Variants in FAR2 observed in about 807,000 individuals in gnomAD.
FAR2 encodes fatty acyl-CoA reductase 2.
In FAR2, 19 loss-of-function variants were observed where a neutral mutation model predicts 56.0. The observed-to-expected ratio is 0.34, with a 90% CI of 0.24 to 0.50. The LOEUF is 0.50. Among genes scored for constraint, FAR2 ranks in the 20% least tolerant of loss-of-function variants. The pLI is 0.98. For missense variants in FAR2, 508 were observed against 642.2 expected (o/e 0.79, Z 2.26); for synonymous variants, 219 against 218.8 (o/e 1.00, Z -0.01).
chr12:29,154,591 C>T (rs1032451332), intron 1 of FAR2, among the ~76,000 whole-genome samples: 8 of 152,102 alleles, frequency 5.3e-5, no homozygotes, highest in Non-Finnish European at 7.4e-5. Context: ...CCCACCACCA[C>T]GCCTGGCTAA....
chr12:29,154,461 G>GTC (rs976575474), intron 1 of FAR2, among the ~76,000 whole-genome samples: 10 of 150,376 alleles, frequency 6.7e-5, no homozygotes, highest in Non-Finnish European at 7.4e-5. Context: ...TTGAGACAGA[G>GTC]TCTCTCTCTC....
chr12:29,327,600 C>T lies in FAR2; in HGVS notation c.1258-5000C>T, dbSNP rs550737256. On this transcript the variant is annotated intron_variant, in intron 10 of 11. Transcript: ENST00000536681. ...AACAGAGCCCTCAGAAACAATGCTGCATATCTACAACTATCTGATCTTTGA... is the reference window on the plus strand; with the variant it reads ...AACAGAGCCCTCAGAAACAATGCTGTATATCTACAACTATCTGATCTTTGA... 2.4e-3 allele frequency among the ~76,000 whole-genome samples: 372 copies of T among 152,272 alleles called. 1 individual carries two copies. The highest frequency in any genetic ancestry group is 8.6e-3 in the African/African-American group (359 of 41,540).
chr12:29,287,340 C>T (rs1050469551), intron 2 of FAR2, among the ~76,000 whole-genome samples: 1 of 152,164 alleles, frequency 6.6e-6, no homozygotes, highest in East Asian at 1.9e-4. Flanking sequence ...CTAGATTAAT[C>T]CTTTACATCT....
intron 1 of FAR2, among the ~76,000 whole-genome samples, chr12:29,233,659 C>T (rs758688105): frequency 6.6e-6 from 1 of 152,200 alleles, no homozygotes; most frequent in African/African-American, 2.4e-5. Flanking sequence ...CTAATCAATG[C>T]TTCTAAGTCT....
At chr12:29,162,147 T>G (rs568701495) in intron 1 of FAR2, among the ~76,000 whole-genome samples, 2 of 152,224 alleles carry the variant, frequency 1.3e-5, no homozygotes, top group Non-Finnish European at 2.9e-5. Context: ...ATTAGTGGTG[T>G]TCTTCATAGT....
chr12:29,270,383 A>G, intron 1 of FAR2, 29 bp from the exon 2 acceptor site: 3 of 1,432,126 alleles, frequency 2.1e-6, no homozygotes, highest in Non-Finnish European at 2.8e-6. Context: ...CTGAAGATGT[A>G]ATCTTTTGTT....
chr12:29,258,969 C>T (rs925731406), intron 1 of FAR2, among the ~76,000 whole-genome samples: 2 of 152,210 alleles, frequency 1.3e-5, no homozygotes, highest in African/African-American at 2.4e-5. Context: ...ATTTTCCATA[C>T]GTGTAATTTG....
chr12:29,188,402 A>T (rs1345676996), intron 1 of FAR2, among the ~76,000 whole-genome samples: 1 of 152,120 alleles, frequency 6.6e-6, no homozygotes, highest in Admixed American at 6.6e-5. Context: ...TTTACCCTAC[A>T]GTGTAAAAGC....
chr12:29,259,333 G>T (rs1013429342), intron 1 of FAR2, among the ~76,000 whole-genome samples: 4 of 152,120 alleles, frequency 2.6e-5, no homozygotes, highest in African/African-American at 7.2e-5. Flanking sequence ...GAATGATCTG[G>T]CCCAAAATGT....
intron 1 of FAR2, among the ~76,000 whole-genome samples, chr12:29,265,932 C>A (rs1226559156): frequency 1.3e-5 from 2 of 152,144 alleles, no homozygotes; most frequent in Non-Finnish European, 2.9e-5. Flanking sequence ...CATCACTGAT[C>A]ATTAGAGAAA....
At chr12:29,161,424 C>G (rs1240036599) in intron 1 of FAR2, among the ~76,000 whole-genome samples, 1 of 152,120 alleles carries the variant, frequency 6.6e-6, no homozygotes, top group Non-Finnish European at 1.5e-5. Context: ...TTACATCTGG[C>G]TTATTTACTC....
chr12:29,231,093 T>C (rs1947850295), intron 1 of FAR2, among the ~76,000 whole-genome samples: 1 of 152,128 alleles, frequency 6.6e-6, no homozygotes, highest in Non-Finnish European at 1.5e-5. Flanking sequence ...TCCATGAGTT[T>C]GGGGTATCAG....
At chr12:29,217,421 G>A (rs1175251000) in intron 1 of FAR2, among the ~76,000 whole-genome samples, 1 of 152,186 alleles carries the variant, frequency 6.6e-6, no homozygotes, top group Non-Finnish European at 1.5e-5. Context: ...GTCCCCATGG[G>A]ACTTTTGCTG....
chr12:29,309,260 T>C (rs1949306256), intron 6 of FAR2, 30 bp downstream of exon 6: 1 of 1,525,806 alleles, frequency 6.6e-7, no homozygotes, highest in Non-Finnish European at 9.0e-7. Context: ...AATAACTCCC[T>C]GAAATGTAGT....
intron 10 of FAR2, among the ~76,000 whole-genome samples, chr12:29,324,834 G>T (rs950317540): frequency 2.0e-5 from 3 of 152,192 alleles, no homozygotes; most frequent in Admixed American, 2.0e-4. Context: ...GGAAGAAACT[G>T]CATCAACTAA....
At position 29,157,002 on chromosome 12, in the gene FAR2, T is replaced by C. The variant is rs963249144; in HGVS notation, c.-39+7595T>C. On this transcript the variant is annotated intron_variant, in intron 1 of 11. Coordinates refer to ENST00000536681, the MANE Select transcript of FAR2 (RefSeq NM_001271783.2). ...CCAGCCATATTGATTGGAAGATTTC[T>C]GTGAGATATCTAACTTTATAAAGAG... 4.9e-4 allele frequency: 74 copies of C among 151,582 alleles called. 1 individual carries two copies. The highest frequency in any genetic ancestry group is 1.6e-3 in the African/African-American group (67 of 41,324). 9.4% of individuals were successfully genotyped at this position (151,582 alleles called of 1,614,324 possible).
intron 1 of FAR2, among the ~76,000 whole-genome samples, chr12:29,201,961 G>C (rs186587701): frequency 3.9e-4 from 60 of 152,220 alleles, no homozygotes; most frequent in Non-Finnish European, 8.8e-5. Flanking sequence ...GGCTTTGGAT[G>C]ATGACTCTCA....
At chr12:29,176,027 A>G (rs1949934841) in intron 1 of FAR2, among the ~76,000 whole-genome samples, 1 of 152,242 alleles carries the variant, frequency 6.6e-6, no homozygotes, top group African/African-American at 2.4e-5. Flanking sequence ...TATGAAATTT[A>G]AAAGGTTGGA....
chr12:29,157,417 C>T (rs1949738704), intron 1 of FAR2, among the ~76,000 whole-genome samples: 1 of 151,936 alleles, frequency 6.6e-6, no homozygotes, highest in South Asian at 2.1e-4. Context: ...CCAGGCTTCT[C>T]CAGAGACAGC....
Sources: gnomAD v4.1 joint callset for allele counts (sites outside exome capture counted in the v4.1 genomes callset) on GRCh38, gnomAD v4.1.1 for gene constraint, MANE v1.5 for transcripts, NCBI Gene and HGNC (gene_info 2026-07-23, HGNC 2026-07-21) for gene names.